The following GOLGB1 variants were observed in gnomAD, a reference collection of about 807,000 sequenced individuals.
GOLGB1 encodes the protein golgin B1.
GOLGB1 carries 174 observed loss-of-function variants against 336.9 expected under a neutral mutation model. That is an observed-to-expected ratio of 0.52 (90% CI 0.46 to 0.59). The LOEUF (loss-of-function observed/expected upper bound fraction) is 0.59, where lower values mean the gene tolerates loss of function less well. Ranked by LOEUF, GOLGB1 falls within the 20% of genes least tolerant of loss-of-function variation. The probability of loss-of-function intolerance (pLI) is 0.00; values close to 1 mark genes in which losing one functional copy is unlikely to be tolerated. For synonymous variants in GOLGB1, 1,208 were observed against 1,289.2 expected (o/e 0.94, Z 1.35); for missense variants, 3,331 against 3,645.3 (o/e 0.91, Z 2.22).
chr3:121,671,934 T>C (rs376224018), intron 17 of GOLGB1, among the ~76,000 whole-genome samples: 12 of 152,292 alleles, frequency 7.9e-5, no homozygotes, highest in African/African-American at 2.9e-4. Flanking sequence ...CTTAACATAA[T>C]GTCCTCCAGT....
At chr3:121,729,742 G>T (rs1461944201) in intron 3 of GOLGB1, 123 bp downstream of exon 3, 5 of 725,316 alleles carry the variant, frequency 6.9e-6, no homozygotes, top group Middle Eastern at 2.9e-4. Flanking sequence ...TAGGCATAAG[G>T]TTACAGTACT....
chr3:121,665,859 T>A (rs1938538518), intron 20 of GOLGB1, among the ~76,000 whole-genome samples: 1 of 152,230 alleles, frequency 6.6e-6, no homozygotes, highest in Non-Finnish European at 1.5e-5. Flanking sequence ...GCAGGACACA[T>A]TCTTTTCCCC....
intron 11 of GOLGB1, among the ~76,000 whole-genome samples, 185 bp downstream of exon 11, chr3:121,702,296 T>C (rs574741123): frequency 1.3e-5 from 2 of 152,222 alleles, no homozygotes; most frequent in Non-Finnish European, 2.9e-5. Context: ...GTTATACTTA[T>C]GTAAACACTG....
In GOLGB1 at chr3:121,692,287, G is replaced by T. The variant is rs1942508864; in HGVS notation, c.7077C>A (p.Phe2359Leu). The T allele has an allele frequency of 6.2e-7, 1 of 1,611,394 alleles. No homozygotes were observed. Among genetic ancestry groups the T allele is most frequent in the Non-Finnish European group, 8.5e-7 (1 of 1,179,386 alleles). ...QQEADIQNSK[F>L]SYEQLETDLQ... ...GATCAGTCTCCAGTTGTTCATAACT[G>T]AACTTAGAATTTTGAATATCAGCCT... Residue 2359 changes from phenylalanine (F) to leucine (L), a missense_variant, in exon 14 of 22, where the codon TTC (phenylalanine) becomes TTA (leucine). By Grantham distance (22) the Phe-to-Leu change is conservative. Coordinates refer to ENST00000614479, the MANE Select transcript of GOLGB1 (RefSeq NM_001366282.2).
intron 1 of GOLGB1, among the ~76,000 whole-genome samples, chr3:121,735,717 A>G (rs1346822921): frequency 1.3e-5 from 2 of 152,240 alleles, no homozygotes; most frequent in Non-Finnish European, 2.9e-5. Context: ...TAAATAGATA[A>G]ATGCAGAAAT....
chr3:121,682,138 G>C (rs1442561367), intron 14 of GOLGB1, among the ~76,000 whole-genome samples: 2 of 152,206 alleles, frequency 1.3e-5, no homozygotes, highest in Admixed American at 6.5e-5. Context: ...AAGGTCCTAA[G>C]TTCACTTTAG....
intron 10 of GOLGB1, among the ~76,000 whole-genome samples, chr3:121,710,282 A>G (rs1449692902): frequency 2.6e-5 from 4 of 152,114 alleles, no homozygotes; most frequent in Admixed American, 2.0e-4. Context: ...AAACTCTCAT[A>G]AAATAGAAAG....
intron 10 of GOLGB1, among the ~76,000 whole-genome samples, chr3:121,712,988 C>G (rs540989116): frequency 6.6e-6 from 1 of 152,188 alleles, no homozygotes; most frequent in South Asian, 2.1e-4. Flanking sequence ...ATGGTGAAAC[C>G]CTGTCTCTAC....
chr3:121,670,651 CA>C, intron 17 of GOLGB1, among the ~76,000 whole-genome samples: 1 of 148,570 alleles, frequency 6.7e-6, no homozygotes, highest in Middle Eastern at 3.4e-3. Context: ...AACCAGGACT[CA>C]AGTGTGGTTC....
Position 121,691,901 on chromosome 3 carries a change from A to G in GOLGB1, c.7463T>C (p.Leu2488Pro). The change falls in exon 14 of 22, where the codon CTG becomes CCG. Residue 2488 changes from leucine (L) to proline (P), a missense_variant. Coordinates refer to ENST00000614479, the MANE Select transcript of GOLGB1 (RefSeq NM_001366282.2). ...RDRIVGDYQQ[L>P]EERHLSIILE... ...GATTATAGAGAGATGTCGCTCTTCC[A>G]GCTGTTGATAGTCACCCACTATGCG... 1.9e-6 allele frequency: 3 copies of G among 1,614,084 alleles called. No homozygotes were observed. Among genetic ancestry groups the G allele is most frequent in the Non-Finnish European group, 2.5e-6 (3 of 1,179,956 alleles).
intron 5 of GOLGB1, among the ~76,000 whole-genome samples, chr3:121,724,562 C>A (rs376668494): frequency 5.4e-4 from 73 of 134,988 alleles, no homozygotes; most frequent in East Asian, 6.3e-4. Flanking sequence ...GAAAACAGAG[C>A]AAAAAAAAAA....
chr3:121,730,938 C>A lies in GOLGB1; in HGVS notation c.34G>T (p.Val12Phe). 1.2e-6 allele frequency: 2 copies of A among 1,613,294 alleles called. No individual in the cohort carries two copies. Among genetic ancestry groups the A allele is most frequent in the Non-Finnish European group, 1.7e-6 (2 of 1,179,568 alleles). Reference sequence around the variant, plus strand: ...TCATCTCCTGATAATTCATGCAAAACAACATTTGCTAATCCTGATAATCGG... The same window carrying A: ...TCATCTCCTGATAATTCATGCAAAAAAACATTTGCTAATCCTGATAATCGG... ...LSRLSGLANV[V>F]LHELSGDDDT... The change falls in exon 2 of 22, where the codon GTT becomes TTT. Residue 12 changes from valine (V) to phenylalanine (F), a missense_variant. Physicochemically the swap from Val to Phe is conservative, Grantham distance 50. Transcript: ENST00000614479.
intron 9 of GOLGB1, among the ~76,000 whole-genome samples, chr3:121,715,202 C>T (rs1204761207): frequency 6.8e-6 from 1 of 146,174 alleles, no homozygotes; most frequent in Non-Finnish European, 1.5e-5. Flanking sequence ...TAGGCCTAGG[C>T]ACTTTTTTTT....
chr3:121,698,500 T>C lies in GOLGB1; in HGVS notation c.2023A>G (p.Lys675Glu), dbSNP rs762110818. Residue 675 changes from lysine to glutamate, a missense_variant, in exon 13 of 22, where the codon AAA becomes GAA. Coordinates refer to ENST00000614479, the MANE Select transcript of GOLGB1 (RefSeq NM_001366282.2). ...ATATCTGGTACAGCAGAAAGGGATT[T>C]ATCACCATCCTGCTTTGTTGATTTC... is the stretch of plus-strand genomic sequence containing the variant. ...ELKSTKQDGD[K>E]SLSAVPDIGQ... 6.8e-6 allele frequency: 11 copies of C among 1,613,036 alleles called. No individual in the cohort carries two copies. In the Admixed American group the frequency reaches 1.8e-4, roughly 27 times the overall value.
intron 19 of GOLGB1, 114 bp downstream of exon 19, chr3:121,667,947 A>G: frequency 1.7e-6 from 1 of 600,380 alleles, no homozygotes; most frequent in Non-Finnish European, 3.0e-6. Flanking sequence ...CTGTGAGGCT[A>G]ATAAGATAAC....
chr3:121,744,708 T>C (rs896524149), intron 1 of GOLGB1, among the ~76,000 whole-genome samples: 4 of 151,624 alleles, frequency 2.6e-5, no homozygotes, highest in Middle Eastern at 3.4e-3. Context: ...CACATAACCA[T>C]TTAAAAATAT....
intron 17 of GOLGB1, among the ~76,000 whole-genome samples, chr3:121,671,019 T>A (rs1939460113): frequency 6.6e-6 from 1 of 152,220 alleles, no homozygotes; most frequent in Non-Finnish European, 1.5e-5. Flanking sequence ...TGCCCTTTTA[T>A]CATAAATAAG....
chr3:121,707,638 A>G (rs552281653), intron 10 of GOLGB1, among the ~76,000 whole-genome samples: 85 of 144,362 alleles, frequency 5.9e-4, no homozygotes, highest in Non-Finnish European at 8.3e-4. Flanking sequence ...GTCTCTTACT[A>G]AAAAAAAAAA....
Position 121,696,480 on chromosome 3 carries a change from T to C in GOLGB1, c.4043A>G (p.Gln1348Arg). 6.2e-7 allele frequency: 1 copy of C among 1,614,092 alleles called. No individual in the cohort carries two copies. Among genetic ancestry groups the C allele is most frequent in the East Asian group, 2.2e-5 (1 of 44,884 alleles). ...TAAACCCTGTTTATTTATCTGCTCT[T>C]GTAACTGAAATACCTCTTCTGATTT... ...TKKSEEVFQL[Q>R]EQINKQGLEI... The change falls in exon 13 of 22, where the codon CAA (glutamine) becomes CGA (arginine). Residue 1348 changes from glutamine (Q) to arginine (R), a missense_variant. Physicochemically the swap from Gln to Arg is conservative, Grantham distance 43. Coordinates refer to ENST00000614479, the MANE Select transcript of GOLGB1 (RefSeq NM_001366282.2).
Sources: allele counts gnomAD v4.1 joint callset (sites outside exome capture counted in the v4.1 genomes callset), GRCh38; gene constraint gnomAD v4.1.1; transcripts MANE v1.5; gene names NCBI Gene and HGNC (gene_info 2026-07-23, HGNC 2026-07-21).